IGSF11: variants seen among roughly 807,000 people sequenced by gnomAD.
IGSF11 encodes CXADR like 1.
IGSF11 carries 22 observed loss-of-function variants against 41.0 expected under a neutral mutation model. The observed-to-expected ratio is 0.54, with a 90% CI of 0.38 to 0.77. The LOEUF is 0.77. Among genes scored for constraint, IGSF11 ranks in the 30% least tolerant of loss-of-function variants. IGSF11 has a pLI of 0.00. For synonymous variants in IGSF11, 219 were observed against 201.3 expected, an observed-to-expected ratio of 1.09 and a Z score of -0.74; for missense variants, 444 against 530.8, an observed-to-expected ratio of 0.84 and a Z score of 1.61.
chr3:119,015,256 C>T (rs1938561829), intron 1 of IGSF11, among the ~76,000 whole-genome samples: 1 of 152,142 alleles, frequency 6.6e-6, no homozygotes, highest in African/African-American at 2.4e-5. Context: ...ATGATTGTTT[C>T]AGACAAAATT....
rs528177445 is a variant in IGSF11, at chr3:118,975,065, C to G, written c.53-44790G>C. Among the ~76,000 whole-genome samples, 8 of 152,196 alleles carry G rather than the reference C, an allele frequency of 5.3e-5. No homozygotes were observed. In the South Asian group the frequency reaches 1.7e-3, roughly 32 times the overall value. On this transcript the variant is annotated intron_variant, in intron 1 of 6. Transcript: ENST00000393775. ...CTCCTTCCATGACCAATATACAGTG[C>G]AAGCCTCATCCTAATTGCTCTAATT...
At chr3:119,050,704 T>G (rs1313127023) in intron 1 of IGSF11, among the ~76,000 whole-genome samples, 3 of 152,028 alleles carry the variant, frequency 2.0e-5, no homozygotes, top group African/African-American at 4.8e-5. Context: ...CACGTATGTT[T>G]ATTGCAGCAT....
chr3:119,081,113 T>C (rs1478261450), intron 1 of IGSF11, among the ~76,000 whole-genome samples: 3 of 152,198 alleles, frequency 2.0e-5, no homozygotes, highest in Non-Finnish European at 4.4e-5. Flanking sequence ...TGATTGAGCA[T>C]TTGACTGTCT....
chr3:118,997,669 GACA>G (rs1250338751), intron 1 of IGSF11, among the ~76,000 whole-genome samples: 1 of 151,792 alleles, frequency 6.6e-6, no homozygotes, highest in Non-Finnish European at 1.5e-5. Flanking sequence ...CCTGTATTCT[GACA>G]ACTATACCAG....
intron 3 of IGSF11, among the ~76,000 whole-genome samples, chr3:118,927,079 A>T (rs1942387213): frequency 6.6e-6 from 1 of 152,116 alleles, no homozygotes; most frequent in African/African-American, 2.4e-5. Flanking sequence ...GAGTATACAC[A>T]GGAATCAGGA....
intron 1 of IGSF11, among the ~76,000 whole-genome samples, chr3:118,965,816 A>C (rs1473546032): frequency 6.6e-6 from 1 of 152,146 alleles, no homozygotes; most frequent in African/African-American, 2.4e-5. Context: ...GAATTAGGGA[A>C]GCATTTATTA....
intron 1 of IGSF11, among the ~76,000 whole-genome samples, chr3:119,069,903 A>G (rs976086030): frequency 1.3e-5 from 2 of 152,220 alleles, no homozygotes; most frequent in Admixed American, 6.5e-5. Flanking sequence ...AAACTCCCAT[A>G]TAGCAATGAT....
intron 1 of IGSF11, among the ~76,000 whole-genome samples, chr3:119,104,065 C>T (rs554753192): frequency 6.6e-6 from 1 of 152,092 alleles, no homozygotes; most frequent in South Asian, 2.1e-4. Flanking sequence ...AGGACAGTAC[C>T]GTATTTACTT....
At chr3:119,117,103 T>C (rs978398638) in intron 1 of IGSF11, among the ~76,000 whole-genome samples, 2 of 152,030 alleles carry the variant, frequency 1.3e-5, no homozygotes, top group Admixed American at 1.3e-4. Context: ...AAACTCTTTC[T>C]CTGCTACAAT....
At chr3:118,983,088 A>G (rs1371046771) in intron 1 of IGSF11, among the ~76,000 whole-genome samples, 1 of 152,202 alleles carries the variant, frequency 6.6e-6, no homozygotes, top group Non-Finnish European at 1.5e-5. Flanking sequence ...GCAGAAAAAA[A>G]CAGCTTAAGT....
At chr3:118,963,680 G>A (rs1945486278) in intron 1 of IGSF11, among the ~76,000 whole-genome samples, 2 of 152,126 alleles carry the variant, frequency 1.3e-5, no homozygotes, top group African/African-American at 2.4e-5. Context: ...ATTGTTAGAT[G>A]TATTCAGAAA....
At chr3:119,080,971 T>G (rs1426458463) in intron 1 of IGSF11, among the ~76,000 whole-genome samples, 2 of 152,162 alleles carry the variant, frequency 1.3e-5, no homozygotes, top group Non-Finnish European at 2.9e-5. Flanking sequence ...TATTGTTTTT[T>G]TTTCAATGTA....
At chr3:118,928,060 C>T (rs1214881168) in intron 3 of IGSF11, among the ~76,000 whole-genome samples, 1 of 152,072 alleles carries the variant, frequency 6.6e-6, no homozygotes, top group Non-Finnish European at 1.5e-5. Context: ...TACAATTATG[C>T]CAGGACAACA....
chr3:118,968,275 TG>T (rs1932940709), intron 1 of IGSF11, among the ~76,000 whole-genome samples: 1 of 152,198 alleles, frequency 6.6e-6, no homozygotes, highest in African/African-American at 2.4e-5. Flanking sequence ...GTGACATTCC[TG>T]TGTGCCTGAA....
chr3:119,022,420 T>C (rs556102823), intron 1 of IGSF11, among the ~76,000 whole-genome samples: 1 of 152,322 alleles, frequency 6.6e-6, no homozygotes, highest in South Asian at 2.1e-4. Flanking sequence ...AAATGGTAAA[T>C]GTTATGTTAT....
chr3:118,995,290 C>G (rs961626699), intron 1 of IGSF11, among the ~76,000 whole-genome samples: 4 of 152,036 alleles, frequency 2.6e-5, no homozygotes, highest in Admixed American at 6.6e-5. Flanking sequence ...TAACCCGAGA[C>G]GAAAGAAAGC....
Position 118,926,252 on chromosome 3 carries a change from G to A in IGSF11, c.429C>T (p.Pro143=). ...IGVTGLTVLV[P]PSAPHCQIQG... Reference sequence around the variant, plus strand: ...GGATTTGGCAGTGTGGGGCAGAAGGGGGAACTATAACAGGAAGAATAAGCA... The same window carrying A: ...GGATTTGGCAGTGTGGGGCAGAAGGAGGAACTATAACAGGAAGAATAAGCA... Residue 143 remains proline, a synonymous_variant, in exon 4 of 7, where the codon CCC becomes CCT. Transcript: ENST00000393775. The A allele has an allele frequency of 6.3e-7, 1 of 1,585,184 alleles. No homozygotes were observed. Among genetic ancestry groups the A allele is most frequent in the Non-Finnish European group, 8.6e-7 (1 of 1,161,592 alleles).
At chr3:119,063,022 C>G (rs1285491767) in intron 1 of IGSF11, among the ~76,000 whole-genome samples, 1 of 152,126 alleles carries the variant, frequency 6.6e-6, no homozygotes, top group African/African-American at 2.4e-5. Flanking sequence ...TAATGGGATA[C>G]ATTGTAATAG....
intron 1 of IGSF11, among the ~76,000 whole-genome samples, chr3:118,949,774 G>A (rs1266429631): frequency 6.6e-6 from 1 of 152,194 alleles, no homozygotes; most frequent in Non-Finnish European, 1.5e-5. Context: ...TAAAATTCAA[G>A]TCTCATGATG....
Sources: allele counts gnomAD v4.1 joint callset (sites outside exome capture counted in the v4.1 genomes callset), GRCh38; gene constraint gnomAD v4.1.1; transcripts MANE v1.5; gene names NCBI Gene and HGNC (gene_info 2026-07-23, HGNC 2026-07-21).